The following SIPA1L1 variants were observed in gnomAD, a reference collection of about 807,000 sequenced individuals.
SIPA1L1 encodes signal induced proliferation associated 1 like 1, also known as signal-induced proliferation-associated 1-like protein 1.
Under a neutral mutation model 162.7 loss-of-function variants are expected in SIPA1L1, and 26 were observed. That is an observed-to-expected ratio of 0.16 (90% CI 0.12 to 0.22). The LOEUF (loss-of-function observed/expected upper bound fraction) is 0.22. Ranked by LOEUF, SIPA1L1 falls within the 10% of genes least tolerant of loss-of-function variation. The pLI, the probability that SIPA1L1 is intolerant of heterozygous loss-of-function variation, is 1.00. For synonymous variants in SIPA1L1, 829 were observed against 837.4 expected (o/e 0.99, Z 0.17); for missense variants, 1,874 against 2,241.0 (o/e 0.84, Z 3.31).
At chr14:71,583,611 A>G (rs2034222300) in intron 4 of SIPA1L1, among the ~76,000 whole-genome samples, 1 of 151,660 alleles carries the variant, frequency 6.6e-6, no homozygotes, top group Non-Finnish European at 1.5e-5. Flanking sequence ...TGCCCTTGGC[A>G]CGATGTTGTT....
intron 2 of SIPA1L1, among the ~76,000 whole-genome samples, chr14:71,395,107 T>C (rs1458189366): frequency 6.6e-6 from 1 of 152,226 alleles, no homozygotes; most frequent in African/African-American, 2.4e-5. Context: ...AAAGAGTTTG[T>C]AATGATTCAT....
At chr14:71,400,044 C>T (rs1018788551) in intron 2 of SIPA1L1, among the ~76,000 whole-genome samples, 1 of 151,644 alleles carries the variant, frequency 6.6e-6, no homozygotes, top group Non-Finnish European at 1.5e-5. Context: ...AGGCTGGTCT[C>T]AAACTCCTGG....
intron 5 of SIPA1L1, among the ~76,000 whole-genome samples, chr14:71,608,951 A>G (rs1020679117): frequency 6.6e-6 from 1 of 152,174 alleles, no homozygotes; most frequent in South Asian, 2.1e-4. Flanking sequence ...TTATATATGT[A>G]TATCATTATA....
chr14:71,493,793 A>T (rs1038022998), intron 2 of SIPA1L1, among the ~76,000 whole-genome samples: 9 of 152,236 alleles, frequency 5.9e-5, no homozygotes, highest in Non-Finnish European at 8.8e-5. Flanking sequence ...AAAACGTCAG[A>T]TATTTTATGA....
At chr14:71,534,287 C>T (rs2053697957) in intron 4 of SIPA1L1, among the ~76,000 whole-genome samples, 1 of 151,956 alleles carries the variant, frequency 6.6e-6, no homozygotes, top group African/African-American at 2.4e-5. Context: ...GGGTCATTAG[C>T]CAATATGTAA....
chr14:71,495,081 T>G (rs1048257304), intron 2 of SIPA1L1, among the ~76,000 whole-genome samples: 2 of 152,224 alleles, frequency 1.3e-5, no homozygotes, highest in African/African-American at 4.8e-5. Context: ...TGAGGAATAT[T>G]GGTTCATTGT....
chr14:71,611,751 A>T (rs1304220117), intron 5 of SIPA1L1, among the ~76,000 whole-genome samples: 2 of 152,102 alleles, frequency 1.3e-5, no homozygotes, highest in African/African-American at 4.8e-5. Context: ...TTTTATGACT[A>T]CATAGTATTC....
intron 4 of SIPA1L1, among the ~76,000 whole-genome samples, chr14:71,536,728 A>G (rs1435310370): frequency 6.6e-6 from 1 of 152,230 alleles, no homozygotes; most frequent in Non-Finnish European, 1.5e-5. Context: ...AGTCCCTTCC[A>G]TTGAGAGACT....
chr14:71,335,650 T>C (rs1232787609), intron 2 of SIPA1L1, among the ~76,000 whole-genome samples: 1 of 152,186 alleles, frequency 6.6e-6, no homozygotes, highest in Admixed American at 6.5e-5. Flanking sequence ...TCAGGAGATA[T>C]CATGGGGGCA....
chr14:71,338,801 G>T (rs995857640), intron 2 of SIPA1L1, among the ~76,000 whole-genome samples: 1 of 152,006 alleles, frequency 6.6e-6, no homozygotes, highest in Non-Finnish European at 1.5e-5. Flanking sequence ...GTGCAATGGT[G>T]TGATCTCGGC....
At chr14:71,490,963 A>C (rs969644217) in intron 2 of SIPA1L1, among the ~76,000 whole-genome samples, 2 of 152,194 alleles carry the variant, frequency 1.3e-5, no homozygotes, top group African/African-American at 4.8e-5. Flanking sequence ...AAGTTTGCTT[A>C]TTTAACTTAG....
intron 5 of SIPA1L1, among the ~76,000 whole-genome samples, chr14:71,606,390 A>G (rs1424199602): frequency 6.6e-6 from 1 of 152,052 alleles, no homozygotes; most frequent in Non-Finnish European, 1.5e-5. Context: ...GTGGCTGCAT[A>G]TAGGGGATGT....
chr14:71,360,778 T>C (rs1350312988), intron 2 of SIPA1L1, among the ~76,000 whole-genome samples: 1 of 152,188 alleles, frequency 6.6e-6, no homozygotes, highest in East Asian at 1.9e-4. Context: ...ATCAAAGTTT[T>C]AAAGAAACTG....
chr14:71,672,606 G>A lies in SIPA1L1; in HGVS notation c.3088G>A (p.Asp1030Asn). Residue 1030 changes from aspartate (D) to asparagine (N), a missense_variant, in exon 12 of 24, where the codon GAC becomes AAC. Transcript: ENST00000381232. ...VKVVIIPPHD[D>N]CTPRRSCSET... ...GGTTGTCATCATTCCCCCGCATGAT[G>A]ACTGCACCCCGCGGAGGTAGGTCTG... 7 of 1,613,774 alleles carry A rather than the reference G, an allele frequency of 4.3e-6. No homozygotes were observed. Among genetic ancestry groups the A allele is most frequent in the Non-Finnish European group, 5.9e-6 (7 of 1,179,678 alleles).
intron 2 of SIPA1L1, among the ~76,000 whole-genome samples, chr14:71,369,836 A>C (rs879904191): frequency 0.032 from 4,668 of 146,822 alleles, 92 homozygotes; most frequent in Admixed American, 0.075. Context: ...TTTTTATTTC[A>C]TTGAGCAGTG....
rs573945063 is a variant in SIPA1L1, at chr14:71,457,892, C to T, written c.-464-54851C>T. On this transcript the variant is annotated intron_variant, in intron 2 of 23. Transcript: ENST00000381232. ...GATTACAGGTGTGAGCCACCATGCC[C>T]GGCCTGCAATGAACATTAAGTTGTA... 6.0e-5 allele frequency among the ~76,000 whole-genome samples: 9 copies of T among 150,896 alleles called. No homozygotes were observed. The East Asian group carries it at 9.6e-4, about 16-fold the overall frequency.
chr14:71,700,907 T>A (rs553306308), intron 14 of SIPA1L1, among the ~76,000 whole-genome samples: 1 of 137,450 alleles, frequency 7.3e-6, no homozygotes, highest in Admixed American at 8.4e-5. Context: ...GGCAGGAGAA[T>A]GGTGTGAACC....
intron 3 of SIPA1L1, among the ~76,000 whole-genome samples, chr14:71,520,764 T>A (rs1192350774): frequency 2.0e-5 from 3 of 152,172 alleles, no homozygotes; most frequent in African/African-American, 7.2e-5. Flanking sequence ...TATTATTATT[T>A]ATTTTTGACA....
At chr14:71,566,751 A>G (rs1185592953) in intron 4 of SIPA1L1, among the ~76,000 whole-genome samples, 4 of 152,228 alleles carry the variant, frequency 2.6e-5, no homozygotes, top group Non-Finnish European at 5.9e-5. Flanking sequence ...AGAAGAAAAT[A>G]TGGGAAGACA....
Sources: allele counts gnomAD v4.1 joint callset (sites outside exome capture counted in the v4.1 genomes callset), GRCh38; gene constraint gnomAD v4.1.1; transcripts MANE v1.5; gene names NCBI Gene and HGNC (gene_info 2026-07-23, HGNC 2026-07-21).